The following ZNF606 variants were observed in gnomAD, a reference collection of about 807,000 sequenced individuals.
The protein encoded by ZNF606 is zinc finger protein 328.
A neutral mutation model predicts 74.9 loss-of-function variants in ZNF606; 37 were observed. That is an observed-to-expected ratio of 0.49 (90% CI 0.38 to 0.65). The LOEUF (loss-of-function observed/expected upper bound fraction) is 0.65. Ranked by LOEUF, ZNF606 falls within the 30% of genes least tolerant of loss-of-function variation. The probability of loss-of-function intolerance (pLI) is 0.00; values close to 1 mark genes in which losing one functional copy is unlikely to be tolerated. For missense variants in ZNF606, 852 were observed against 952.9 expected (o/e 0.89, Z 1.39); for synonymous variants, 328 against 312.4 (o/e 1.05, Z -0.53).
intron 6 of ZNF606, among the ~76,000 whole-genome samples, chr19:57,985,468 C>G (rs1402222421): frequency 6.6e-6 from 1 of 152,182 alleles, no homozygotes; most frequent in Non-Finnish European, 1.5e-5. Flanking sequence ...AGGTACTTTT[C>G]TAACATTTAC....
rs1217553211 is a variant in ZNF606 at position 57,978,068 on chromosome 19, T to C, written c.*233A>G. The C allele has an allele frequency of 2.6e-6, 1 of 383,552 alleles. No homozygotes were observed. The highest frequency in any genetic ancestry group is 4.3e-5 in the East Asian group (1 of 23,108). 23.8% of individuals were successfully genotyped at this position (383,552 alleles called of 1,614,324 possible). A position where few individuals can be genotyped will look rare whatever the true frequency, so the allele number is the denominator to read the frequency against. Reference sequence around the variant, plus strand: ...TTACTGGTAGACCATAAGGGGAGTTTAGAGTTTCCTTCATTGTTAATTATC... The same window carrying C: ...TTACTGGTAGACCATAAGGGGAGTTCAGAGTTTCCTTCATTGTTAATTATC... On this transcript the variant is annotated 3_prime_UTR_variant, in exon 7 of 7. Transcript: ENST00000551380. This position sits in a 1 kb window ranked among gnomAD's most constrained non-coding sequence, Gnocchi z 4.4.
At chr19:57,992,446 G>C (rs979058373) in intron 4 of ZNF606, among the ~76,000 whole-genome samples, 2 of 152,192 alleles carry the variant, frequency 1.3e-5, no homozygotes, top group African/African-American at 4.8e-5. Context: ...AGGGGATGGA[G>C]GAACTTATTC....
In ZNF606 at chr19:58,000,454, T is replaced by A. The variant is rs189668358; in HGVS notation, c.88+229A>T. The A allele has an allele frequency of 2.9e-5, 18 of 622,380 alleles. No homozygotes were observed. The Admixed American group carries it at 3.9e-4, about 13-fold the overall frequency. The allele number at this position is 622,380 out of a possible 1,614,324, so 38.6% of individuals were successfully genotyped here. On this transcript the variant is annotated intron_variant, in intron 3 of 6. Transcript: ENST00000551380. ...GTTAGCCAGGATGGTCTCGATCTCC[T>A]GACCTCGTGATCCACTCGCCTCGGC...
chr19:57,982,957 T>C (rs1432582451), intron 6 of ZNF606, among the ~76,000 whole-genome samples: 2 of 149,838 alleles, frequency 1.3e-5, no homozygotes, highest in Non-Finnish European at 3.0e-5. Context: ...CCCACGACCA[T>C]TATAACAGAG....
chr19:57,987,355 C>T (rs140883702), intron 6 of ZNF606, among the ~76,000 whole-genome samples: 181 of 152,224 alleles, frequency 1.2e-3, no homozygotes, highest in African/African-American at 4.0e-3. Flanking sequence ...AAGCAATCCT[C>T]ACCTCAGCCC....
chr19:57,982,999 A>C (rs113653787), intron 6 of ZNF606, among the ~76,000 whole-genome samples: 9,574 of 152,170 alleles, frequency 0.063, 401 homozygotes, highest in Middle Eastern at 0.095. Context: ...ATTTATTATC[A>C]ATTTCAAGCT....
chr19:57,988,418 C>T, intron 5 of ZNF606, 116 bp from the exon 6 acceptor site: 1 of 1,359,304 alleles, frequency 7.4e-7, no homozygotes, highest in Non-Finnish European at 1.0e-6. Context: ...TATGCAAGGT[C>T]CTTCCCACTC....
chr19:57,988,799 C>T (rs1178304078), intron 4 of ZNF606, 78 bp from the exon 5 acceptor site: 2 of 1,601,792 alleles, frequency 1.2e-6, no homozygotes, highest in African/African-American at 1.3e-5. Flanking sequence ...AGGCTGACAG[C>T]CCTGGGGAGA....
At position 58,002,566 on chromosome 19, in the gene ZNF606, C is replaced by A; in HGVS notation, c.-222G>T. On this transcript the variant is annotated 5_prime_UTR_variant, in exon 1 of 7. Transcript: ENST00000551380. ...CGCGGAGCCGACGTGCAGCAGAGTT[C>A]ACCCAGGCCCGTCCGACCAGAAAAC... 1 of 427,712 alleles carries A rather than the reference C, an allele frequency of 2.3e-6. No homozygotes were observed. Among genetic ancestry groups the A allele is most frequent in the South Asian group, 1.6e-5 (1 of 60,768 alleles). 26.5% of individuals were successfully genotyped at this position (427,712 alleles called of 1,614,324 possible).
chr19:57,989,470 A>G (rs184237257), intron 4 of ZNF606, among the ~76,000 whole-genome samples: 30 of 145,106 alleles, frequency 2.1e-4, no homozygotes, highest in Admixed American at 2.0e-3. Context: ...TTATCGAGAC[A>G]GAGTCTCGCT....
At chr19:58,001,048 A>G in intron 2 of ZNF606, 1 of 562,870 alleles carries the variant, frequency 1.8e-6, no homozygotes, top group East Asian at 2.9e-5. Context: ...GAAACCCCAC[A>G]AACCACCAGA....
Position 57,988,227 on chromosome 19 carries a change from C to T in ZNF606, c.380G>A (p.Cys127Tyr), listed in dbSNP as rs918092003. The part of the protein sequence containing the change: ...GEEPWSVEQA[C>Y]PQRTCPEWVR... ...CTCACCTGGACAAGTGCGTTGAGGA[C>T]ATGCCTGCTCCACTGACCACGGCTC... Residue 127 changes from cysteine (C) to tyrosine (Y), a missense_variant, in exon 6 of 7, where the codon TGT (cysteine) becomes TAT (tyrosine). Coordinates refer to ENST00000551380, the MANE Select transcript of ZNF606 (RefSeq NM_001348022.3). The T allele has an allele frequency of 6.2e-7, 1 of 1,614,020 alleles. No individual in the cohort carries two copies. The highest frequency in any genetic ancestry group is 8.5e-7 in the Non-Finnish European group (1 of 1,179,974).
intron 4 of ZNF606, among the ~76,000 whole-genome samples, chr19:57,993,481 G>A (rs1196820222): frequency 6.6e-6 from 1 of 152,128 alleles, no homozygotes; most frequent in Non-Finnish European, 1.5e-5. Context: ...GACTAGAAGC[G>A]ATTCCAGCCC....
intron 6 of ZNF606, among the ~76,000 whole-genome samples, chr19:57,982,623 T>C (rs2073102188): frequency 6.6e-6 from 1 of 152,092 alleles, no homozygotes; most frequent in Non-Finnish European, 1.5e-5. Flanking sequence ...TCCCCCCTTT[T>C]ACCACCCAAG....
At chr19:58,003,061 C>T (rs1255798891), upstream of ZNF606, 1 of 409,552 alleles carries the variant, frequency 2.4e-6, no homozygotes, top group Non-Finnish European at 5.0e-6. Flanking sequence ...GTCGCGGCCC[C>T]GCGGGCCTCG....
At chr19:57,985,652 G>A (rs2073152352) in intron 6 of ZNF606, among the ~76,000 whole-genome samples, 2 of 152,112 alleles carry the variant, frequency 1.3e-5, no homozygotes, top group South Asian at 4.1e-4. Flanking sequence ...ACTAGGGCCA[G>A]GGGTGGTGGC....
chr19:57,998,413 G>T (rs2073369120), intron 4 of ZNF606: 1 of 152,084 alleles, frequency 6.6e-6, no homozygotes, highest in Admixed American at 6.6e-5. Flanking sequence ...TACAATATGG[G>T]TAACTCTTGA....
intron 6 of ZNF606, 103 bp from the exon 7 acceptor site, chr19:57,980,382 A>T: frequency 7.9e-7 from 1 of 1,268,878 alleles, no homozygotes; most frequent in Admixed American, 2.5e-5. Flanking sequence ...CACTAGTATA[A>T]ATTTGTTTTC....
Position 57,999,861 on chromosome 19 carries a change from C to T in ZNF606, c.124G>A (p.Gly42Arg). 1 of 1,614,074 alleles carries T rather than the reference C, an allele frequency of 6.2e-7. No individual in the cohort carries two copies. Among genetic ancestry groups the T allele is most frequent in the African/African-American group, 1.3e-5 (1 of 75,038 alleles). ...GCCCTCCTCCCCTCCTCCAGGCTTC[C>T]CTCCACGTGCCAGGCAGGATACTGA... is the stretch of plus-strand genomic sequence containing the variant. Reference protein sequence around the residue: ...CPQYPAWHVEGSLEEGRRATG... With the variant: ...CPQYPAWHVERSLEEGRRATG... Residue 42 changes from glycine (G) to arginine (R), a missense_variant, in exon 4 of 7, where the codon GGA becomes AGA. Gly to Arg is a moderately radical substitution (Grantham distance 125). Transcript: ENST00000551380.
Sources: gnomAD v4.1 joint callset for allele counts (sites outside exome capture counted in the v4.1 genomes callset) on GRCh38, gnomAD v4.1.1 for gene constraint, Gnocchi (gnomAD v3.1) non-coding constraint, MANE v1.5 for transcripts, NCBI Gene and HGNC (gene_info 2026-07-23, HGNC 2026-07-21) for gene names.